Variants in MCM8 observed in about 807,000 individuals in gnomAD.
MCM8 encodes the protein DNA helicase MCM8.
A neutral mutation model predicts 98.9 loss-of-function variants in MCM8; 85 were observed. The ratio of observed to expected loss-of-function variants is 0.86; its 90% confidence interval spans 0.72 to 1.03. The LOEUF is 1.03. MCM8 is among the 50% of genes least tolerant of loss of function. MCM8 has a pLI of 0.00. For missense variants in MCM8, 951 were observed against 997.8 expected, an observed-to-expected ratio of 0.95 and a Z score of 0.63; for synonymous variants, 352 against 338.6, an observed-to-expected ratio of 1.04 and a Z score of -0.44.
intron 17 of MCM8, among the ~76,000 whole-genome samples, chr20:5,989,155 C>T (rs886976284): frequency 1.6e-5 from 2 of 128,722 alleles, no homozygotes; most frequent in South Asian, 2.4e-4. Flanking sequence ...CTGGCTCTGT[C>T]GCCCGGGCTG....
Position 5,952,449 on chromosome 20 carries a change from A to T in MCM8, c.174A>T (p.Ser58=). The T allele has an allele frequency of 6.2e-7, 1 of 1,614,014 alleles. No individual in the cohort carries two copies. Among genetic ancestry groups the T allele is most frequent in the Non-Finnish European group, 8.5e-7 (1 of 1,179,992 alleles). Residue 58 remains serine, a synonymous_variant, in exon 3 of 19, where the codon TCA becomes TCT. Transcript: ENST00000610722. Reference sequence around the variant, plus strand: ...AACAAACCCCACAGTTTTTGCTTTCAACAAAGACCCCACAGTCAATGCAGT... The same window carrying T: ...AACAAACCCCACAGTTTTTGCTTTCTACAAAGACCCCACAGTCAATGCAGT... ...TSEQTPQFLL[S]TKTPQSMQST...
intron 18 of MCM8, 180 bp downstream of exon 18, chr20:5,993,875 G>A (rs1034283090): frequency 2.0e-6 from 1 of 502,002 alleles, no homozygotes; most frequent in African/African-American, 1.9e-5. Flanking sequence ...TTTTCTGACT[G>A]TCTCTTGTGG....
rs369983728 is a variant in MCM8 at position 5,984,796 on chromosome 20, A to G, written c.1749A>G (p.Leu583=). The G allele has an allele frequency of 1.2e-6, 2 of 1,612,708 alleles. No individual in the cohort carries two copies. The highest frequency in any genetic ancestry group is 1.7e-6 in the Non-Finnish European group (2 of 1,178,898). ...VSENLKMGSA[L]LSRFDLVFIL... is the part of the protein sequence containing the mutation. ...TCCTTCATAGAATGGGGAGTGCACT[A>G]CTATCCAGATTTGATTTGGTCTTTA... The change falls in exon 15 of 19, where the codon CTA becomes CTG. Residue 583 remains leucine (L), a synonymous_variant. Transcript: ENST00000610722.
chr20:5,963,285 T>C lies in MCM8; in HGVS notation c.801T>C (p.Pro267=), dbSNP rs1816281114. 1 of 1,613,518 alleles carries C rather than the reference T, an allele frequency of 6.2e-7. No individual in the cohort carries two copies. The highest frequency in any genetic ancestry group is 1.1e-5 in the South Asian group (1 of 91,074). Reference sequence around the variant, plus strand: ...TTTGTTTCATTCAGTGTCCTGTGCCTGTGTGTCGAGGCAGGTCATTTACTG... The same window carrying C: ...TTTGTTTCATTCAGTGTCCTGTGCCCGTGTGTCGAGGCAGGTCATTTACTG... The part of the protein sequence containing the change: ...KYSLPTKCPV[P]VCRGRSFTAL... Residue 267 remains proline, a synonymous_variant, in exon 8 of 19, where the codon CCT becomes CCC. Transcript: ENST00000610722.
At chr20:5,980,249 A>G (rs1211803339) in intron 13 of MCM8, among the ~76,000 whole-genome samples, 1 of 151,714 alleles carries the variant, frequency 6.6e-6, no homozygotes, top group African/African-American at 2.4e-5. Flanking sequence ...AGCACTTTTT[A>G]CCTTCTATAT....
At chr20:5,980,873 CAAAAAAAAAAA>C (rs36027696) in intron 13 of MCM8, among the ~76,000 whole-genome samples, 1 of 87,928 alleles carries the variant, frequency 1.1e-5, no homozygotes, top group African/African-American at 3.4e-5. Context: ...CTCTGTCTCT[CAAAAAAAAAAA>C]AAAAAAAAGT....
chr20:5,955,005 CATT>C (rs1423309475), intron 4 of MCM8, 94 bp from the exon 5 acceptor site: 2 of 836,788 alleles, frequency 2.4e-6, no homozygotes, highest in Non-Finnish European at 3.7e-6. Context: ...CACATATAAA[CATT>C]GTATGCTTTC....
Position 5,988,577 on chromosome 20 carries a change from A to G in MCM8, c.2240+1219A>G, listed in dbSNP as rs560659130. 7.9e-5 allele frequency among the ~76,000 whole-genome samples: 12 copies of G among 152,240 alleles called. 1 individual carries two copies. The highest frequency in any genetic ancestry group is 4.1e-4 in the South Asian group (2 of 4,826). On this transcript the variant is annotated intron_variant, in intron 17 of 18. Transcript: ENST00000610722. ...CAGTTTTTTGTGTGACTACATATCT[A>G]TATATTCTTTTTTCCCCTTTGTAGA...
chr20:5,965,690 A>T (rs2089260961), intron 8 of MCM8, among the ~76,000 whole-genome samples: 1 of 152,144 alleles, frequency 6.6e-6, no homozygotes, highest in East Asian at 1.9e-4. Context: ...GAATTATCCC[A>T]CATTTTAGTG....
chr20:5,977,085 C>A (rs1184517636), intron 12 of MCM8, among the ~76,000 whole-genome samples: 1 of 152,154 alleles, frequency 6.6e-6, no homozygotes, highest in Admixed American at 6.5e-5. Context: ...TAAGGTTTCT[C>A]AGAAAGACTA....
chr20:5,977,615 A>C (rs902259731), intron 12 of MCM8, among the ~76,000 whole-genome samples: 9 of 152,224 alleles, frequency 5.9e-5, no homozygotes, highest in African/African-American at 2.2e-4. Flanking sequence ...CAGACTTCAG[A>C]ATCTGACTGC....
At chr20:5,990,691 C>G (rs1478739690) in intron 17 of MCM8, among the ~76,000 whole-genome samples, 1 of 152,108 alleles carries the variant, frequency 6.6e-6, no homozygotes, top group African/African-American at 2.4e-5. Context: ...ACTGACCTAG[C>G]AGAGATATTT....
At chr20:5,971,203 C>T (rs886708733) in intron 10 of MCM8, among the ~76,000 whole-genome samples, 3 of 152,128 alleles carry the variant, frequency 2.0e-5, no homozygotes, top group Non-Finnish European at 4.4e-5. Flanking sequence ...CTGATTCAGG[C>T]CACAAAGGGA....
intron 13 of MCM8, among the ~76,000 whole-genome samples, chr20:5,980,864 T>A (rs2089614492): frequency 1.4e-5 from 2 of 138,928 alleles, no homozygotes; most frequent in Non-Finnish European, 1.5e-5. Context: ...AGAACGAAAC[T>A]CTGTCTCTCA....
intron 4 of MCM8, 110 bp from the exon 5 acceptor site, chr20:5,954,992 T>A (rs1350872352): frequency 1.3e-6 from 1 of 745,980 alleles, no homozygotes; most frequent in East Asian, 2.7e-5. Flanking sequence ...TACTTACCAT[T>A]ATCACATATA....
chr20:5,952,875 C>G (rs1237675100), intron 3 of MCM8, among the ~76,000 whole-genome samples: 2 of 152,204 alleles, frequency 1.3e-5, no homozygotes, highest in Non-Finnish European at 2.9e-5. Flanking sequence ...AAAAGAAGTT[C>G]TGAGGTTACC....
rs566801387 is a variant in MCM8 at position 5,995,338 on chromosome 20, G to A, written c.*947G>A. The A allele has an allele frequency of 1.4e-4, 21 of 152,328 alleles. No individual in the cohort carries two copies. Among genetic ancestry groups the A allele is most frequent in the Admixed American group, 1.3e-3 (20 of 15,298 alleles). The allele number at this position is 152,328 out of a possible 1,614,324, so 9.4% of individuals were successfully genotyped here. A position where few individuals can be genotyped will look rare whatever the true frequency, so the allele number is the denominator to read the frequency against. ...TGTTTGGCTCACGGAATTATTAGAA[G>A]GCAGGTGAACCAGGAGGGTAAGCTT... On this transcript the variant is annotated 3_prime_UTR_variant, in exon 19 of 19. Transcript: ENST00000610722.
rs1483561221 is a variant in MCM8 at position 5,967,551 on chromosome 20, A to G, written c.991A>G (p.Ile331Val). Residue 331 changes from isoleucine (I) to valine (V), a missense_variant, in exon 9 of 19, where the codon ATT (isoleucine) becomes GTT (valine). Transcript: ENST00000610722. Reference sequence around the variant, plus strand: ...CTGTGTCCCGGGAGACACAGTGACTATTACTGGAATTGTCAAAGTCTCAAA... The same window carrying G: ...CTGTGTCCCGGGAGACACAGTGACTGTTACTGGAATTGTCAAAGTCTCAAA... ...DSCVPGDTVT[I>V]TGIVKVSNAE... is the part of the protein sequence containing the mutation. 1.9e-6 allele frequency: 3 copies of G among 1,613,476 alleles called. No homozygotes were observed. The highest frequency in any genetic ancestry group is 3.3e-5 in the Admixed American group (2 of 59,972).
chr20:5,976,165 G>A (rs2089507413), intron 12 of MCM8, among the ~76,000 whole-genome samples: 1 of 152,134 alleles, frequency 6.6e-6, no homozygotes, highest in Non-Finnish European at 1.5e-5. Context: ...GGTGGCATGT[G>A]CCTATAGTCC....
Sources: allele counts gnomAD v4.1 joint callset (sites outside exome capture counted in the v4.1 genomes callset), GRCh38; gene constraint gnomAD v4.1.1; transcripts MANE v1.5; gene names NCBI Gene and HGNC (gene_info 2026-07-23, HGNC 2026-07-21).